GRIP1: variants seen among roughly 807,000 people sequenced by gnomAD.
GRIP1 encodes the protein glutamate receptor interacting protein 1.
GRIP1 carries 45 observed loss-of-function variants against 129.9 expected under a neutral mutation model. That is an observed-to-expected ratio of 0.35 (90% CI 0.27 to 0.44). The LOEUF (loss-of-function observed/expected upper bound fraction) is 0.44, where lower values mean the gene tolerates loss of function less well. GRIP1 is among the 20% of genes least tolerant of loss of function. The probability of loss-of-function intolerance (pLI) is 1.00; values close to 1 mark genes in which losing one functional copy is unlikely to be tolerated. For missense variants in GRIP1, 1,196 were observed against 1,396.8 expected (o/e 0.86, Z 2.29); for synonymous variants, 530 against 520.8 (o/e 1.02, Z -0.24).
intron 1 of GRIP1, among the ~76,000 whole-genome samples, chr12:66,975,355 GCTAGA>G (rs1258510415): frequency 6.6e-6 from 1 of 152,144 alleles, no homozygotes; most frequent in African/African-American, 2.4e-5. Context: ...TCCATCAGTG[GCTAGA>G]CTAAACGAAG....
intron 2 of GRIP1, among the ~76,000 whole-genome samples, chr12:66,582,889 A>G (rs1245291466): frequency 6.8e-6 from 1 of 148,116 alleles, no homozygotes; most frequent in Non-Finnish European, 1.5e-5. Flanking sequence ...CTTTCTTCAC[A>G]GAATTGGAAA....
chr12:66,619,817 C>G (rs1472222046), intron 1 of GRIP1, among the ~76,000 whole-genome samples: 1 of 152,098 alleles, frequency 6.6e-6, no homozygotes, highest in Non-Finnish European at 1.5e-5. Context: ...AAAGGAAATT[C>G]TGCATGTACA....
At chr12:66,490,415 T>A (rs1167478097) in intron 7 of GRIP1, among the ~76,000 whole-genome samples, 1 of 152,202 alleles carries the variant, frequency 6.6e-6, no homozygotes, top group East Asian at 1.9e-4. Flanking sequence ...CTTGGAGAAC[T>A]GGCTAGCCAT....
intron 1 of GRIP1, among the ~76,000 whole-genome samples, chr12:67,039,753 T>A (rs2043148415): frequency 6.6e-6 from 1 of 152,190 alleles, no homozygotes; most frequent in Admixed American, 6.5e-5. Context: ...TCTTACTGAT[T>A]TTCCAAGGGA....
intron 14 of GRIP1, among the ~76,000 whole-genome samples, chr12:66,421,863 C>T (rs970317291): frequency 5.3e-5 from 8 of 151,854 alleles, no homozygotes; most frequent in African/African-American, 1.9e-4. Context: ...AATGAGCCTA[C>T]TTAGAATTAA....
At chr12:66,679,130 C>T (rs1387913534), upstream of GRIP1, 2 of 1,443,348 alleles carry the variant, frequency 1.4e-6, no homozygotes, top group African/African-American at 2.9e-5. Flanking sequence ...ACAGCCTCCT[C>T]CCCCTTCACA....
At chr12:66,524,260 T>C (rs1464664787) in intron 5 of GRIP1, among the ~76,000 whole-genome samples, 5 of 152,098 alleles carry the variant, frequency 3.3e-5, no homozygotes, top group South Asian at 2.1e-4. Flanking sequence ...TATTCCAAAA[T>C]TGACCACATA....
rs573369877 is a variant in GRIP1, at chr12:66,875,237, T to C, written c.58+193813A>G. 2.0e-3 allele frequency among the ~76,000 whole-genome samples: 311 copies of C among 152,208 alleles called. 2 individuals are homozygous for C. The highest frequency in any genetic ancestry group is 7.0e-3 in the African/African-American group (291 of 41,560). Reference sequence around the variant, plus strand: ...TGGTAATAAACACATTGTTACAAAATGGGACCTCAGTTTCTTCAGGAAATA... The same window carrying C: ...TGGTAATAAACACATTGTTACAAAACGGGACCTCAGTTTCTTCAGGAAATA... On this transcript the variant is annotated intron_variant, in intron 1 of 1. Coordinates refer to the GRIP1 transcript ENST00000643019.
chr12:66,984,158 G>T (rs1216113447), intron 1 of GRIP1, among the ~76,000 whole-genome samples: 1 of 152,074 alleles, frequency 6.6e-6, no homozygotes, highest in East Asian at 1.9e-4. Context: ...TAAGCAAAGA[G>T]GAATACATAG....
chr12:66,632,145 G>C (rs546045882), intron 1 of GRIP1, among the ~76,000 whole-genome samples: 1 of 152,152 alleles, frequency 6.6e-6, no homozygotes, highest in African/African-American at 2.4e-5. Flanking sequence ...TTTCTCAGAA[G>C]TAAGAAATGC....
chr12:66,406,219 T>C, intron 16 of GRIP1, 64 bp downstream of exon 16: 1 of 1,488,948 alleles, frequency 6.7e-7, no homozygotes, highest in Non-Finnish European at 9.4e-7. Context: ...CATCAAGATC[T>C]AATATCTTTG....
chr12:66,426,148 G>T (rs574741594), intron 14 of GRIP1, among the ~76,000 whole-genome samples: 14 of 152,072 alleles, frequency 9.2e-5, no homozygotes, highest in African/African-American at 3.4e-4. Context: ...GCTTTTCTGT[G>T]GGTATTTCCA....
At chr12:66,547,482 A>G (rs1052951118) in intron 2 of GRIP1, among the ~76,000 whole-genome samples, 1 of 152,244 alleles carries the variant, frequency 6.6e-6, no homozygotes, top group African/African-American at 2.4e-5. Context: ...GTGAATAATT[A>G]TCACAGCCTT....
At chr12:66,560,820 C>T (rs1254870677) in intron 2 of GRIP1, among the ~76,000 whole-genome samples, 1 of 151,968 alleles carries the variant, frequency 6.6e-6, no homozygotes, top group Non-Finnish European at 1.5e-5. Context: ...GCAGCATATA[C>T]CCATATACTG....
intron 1 of GRIP1, among the ~76,000 whole-genome samples, chr12:66,844,937 T>C (rs1038129719): frequency 6.6e-6 from 1 of 152,040 alleles, no homozygotes; most frequent in Non-Finnish European, 1.5e-5. Flanking sequence ...GAAAATAGAA[T>C]GGTGGTTGCC....
chr12:66,968,901 GTATGCTGTGCTAATAATAAA>G (rs1239987987), intron 1 of GRIP1, among the ~76,000 whole-genome samples: 1 of 151,974 alleles, frequency 6.6e-6, no homozygotes, highest in Non-Finnish European at 1.5e-5. Flanking sequence ...TAAAGAATAG[GTATGCTGTGCTAATAATAAA>G]TCCCCTCGGT....
chr12:66,741,954 C>T (rs1237621793), intron 1 of GRIP1, among the ~76,000 whole-genome samples: 1 of 152,174 alleles, frequency 6.6e-6, no homozygotes, highest in East Asian at 1.9e-4. Context: ...AACCTCTCTA[C>T]CAATTCTTCA....
chr12:66,719,117 A>G (rs2035981704), intron 1 of GRIP1, among the ~76,000 whole-genome samples: 1 of 152,172 alleles, frequency 6.6e-6, no homozygotes, highest in Non-Finnish European at 1.5e-5. Context: ...GTTACCATAT[A>G]GAGGCAAAAA....
intron 1 of GRIP1, among the ~76,000 whole-genome samples, chr12:66,909,187 C>T (rs868598774): frequency 3.5e-4 from 54 of 152,264 alleles, no homozygotes; most frequent in Middle Eastern, 3.4e-3. Flanking sequence ...TATTTTTCCA[C>T]GTTAGTACAT....
Sources: gnomAD v4.1 joint callset for allele counts (sites outside exome capture counted in the v4.1 genomes callset) on GRCh38, gnomAD v4.1.1 for gene constraint, MANE v1.5 for transcripts, NCBI Gene and HGNC (gene_info 2026-07-23, HGNC 2026-07-21) for gene names.